PRKCH: variants seen among roughly 807,000 people sequenced by gnomAD.
PRKCH encodes protein kinase C eta.
Under a neutral mutation model 82.5 loss-of-function variants are expected in PRKCH, and 28 were observed. The ratio of observed to expected loss-of-function variants is 0.34; its 90% confidence interval spans 0.25 to 0.47. The LOEUF is 0.47. Among genes scored for constraint, PRKCH ranks in the 20% least tolerant of loss-of-function variants. The pLI is 1.00. For synonymous variants in PRKCH, 322 were observed against 327.4 expected, an observed-to-expected ratio of 0.98 and a Z score of 0.18; for missense variants, 705 against 881.8, an observed-to-expected ratio of 0.80 and a Z score of 2.54.
intron 9 of PRKCH, among the ~76,000 whole-genome samples, chr14:61,481,631 A>G (rs1256988559): frequency 6.6e-6 from 1 of 152,232 alleles, no homozygotes; most frequent in Non-Finnish European, 1.5e-5. Flanking sequence ...AGAGTAATAC[A>G]CACTCATCAT....
At chr14:61,243,379 G>C (rs1176249573) in intron 1 of PRKCH, among the ~76,000 whole-genome samples, 1 of 64,164 alleles carries the variant, frequency 1.6e-5, no homozygotes, top group Admixed American at 2.3e-4. Context: ...GAAAGACTCT[G>C]TCTCAAAAAA....
At chr14:61,521,071 A>G (rs112455392) in intron 10 of PRKCH, among the ~76,000 whole-genome samples, 1 of 152,230 alleles carries the variant, frequency 6.6e-6, no homozygotes, top group African/African-American at 2.4e-5. Context: ...GGCATAGGAG[A>G]TATAAATATG....
chr14:61,256,286 G>C (rs2044997263), intron 1 of PRKCH, among the ~76,000 whole-genome samples: 1 of 152,114 alleles, frequency 6.6e-6, no homozygotes, highest in Non-Finnish European at 1.5e-5. Context: ...ATTTTTATTT[G>C]GTATCCTTTT....
chr14:61,339,716 C>G (rs1004019701), intron 1 of PRKCH, among the ~76,000 whole-genome samples: 2 of 139,638 alleles, frequency 1.4e-5, no homozygotes, highest in East Asian at 4.8e-4. Context: ...GGGTCTCACT[C>G]TGTCATCCAG....
At chr14:61,294,869 ATCT>A (rs1298250744) in intron 1 of PRKCH, among the ~76,000 whole-genome samples, 1 of 151,896 alleles carries the variant, frequency 6.6e-6, no homozygotes, top group African/African-American at 2.4e-5. Context: ...TCCTATACCT[ATCT>A]TCTTTTTTTG....
chr14:61,339,355 A>G (rs1028177713), intron 1 of PRKCH, among the ~76,000 whole-genome samples: 11 of 140,920 alleles, frequency 7.8e-5, no homozygotes, highest in Non-Finnish European at 1.4e-4. Flanking sequence ...ACGGAGTCTC[A>G]CTCTGTCGCC....
At chr14:61,245,377 A>C (rs2044870542) in intron 1 of PRKCH, among the ~76,000 whole-genome samples, 1 of 152,164 alleles carries the variant, frequency 6.6e-6, no homozygotes, top group East Asian at 1.9e-4. Flanking sequence ...TCAAGCTCAG[A>C]AACTCAGTAT....
intron 1 of PRKCH, among the ~76,000 whole-genome samples, chr14:61,273,279 A>C (rs568420457): frequency 1.3e-5 from 2 of 152,344 alleles, no homozygotes; most frequent in Non-Finnish European, 2.9e-5. Flanking sequence ...TATTATGTAG[A>C]TATCAAGATG....
At chr14:61,227,926 A>G (rs2140057135) in intron 1 of PRKCH, among the ~76,000 whole-genome samples, 1 of 152,250 alleles carries the variant, frequency 6.6e-6, no homozygotes, top group East Asian at 1.9e-4. Flanking sequence ...TTTGCTAGCA[A>G]TTTGCTTCTA....
intron 1 of PRKCH, among the ~76,000 whole-genome samples, chr14:61,357,602 G>C (rs573387449): frequency 2.0e-5 from 3 of 152,132 alleles, no homozygotes; most frequent in African/African-American, 7.2e-5. Context: ...TGTGCTTCTC[G>C]TACCTACTAA....
chr14:61,291,093 G>A (rs887932298), intron 1 of PRKCH, among the ~76,000 whole-genome samples: 4 of 152,196 alleles, frequency 2.6e-5, no homozygotes, highest in African/African-American at 9.7e-5. Flanking sequence ...TACAGCCTCA[G>A]AGATTTTAGC....
rs150064783 is a variant in PRKCH at position 61,354,379 on chromosome 14, A to G, written c.363+31915A>G. On this transcript the variant is annotated intron_variant, in intron 1 of 13. Transcript: ENST00000332981. ...TTTCAGTCACTGGTTTACATAATTT[A>G]CCATCTTCTTATTGCTGTTTCTATT... Among the ~76,000 whole-genome samples the G allele has an allele frequency of 7.4e-3, 1,111 of 149,478 alleles. 6 individuals carry two copies. The highest frequency in any genetic ancestry group is 0.055 in the Middle Eastern group (16 of 292).
intron 1 of PRKCH, among the ~76,000 whole-genome samples, chr14:61,354,382 A>G (rs1051900058): frequency 1.4e-5 from 2 of 147,824 alleles, no homozygotes; most frequent in South Asian, 4.4e-4. Context: ...ATAATTTACC[A>G]TCTTCTTATT....
At chr14:61,431,618 C>G (rs534008302) in intron 2 of PRKCH, among the ~76,000 whole-genome samples, 1 of 151,986 alleles carries the variant, frequency 6.6e-6, no homozygotes, top group Non-Finnish European at 1.5e-5. Flanking sequence ...TTCTAGAATG[C>G]ATGCTTAGAG....
In PRKCH at chr14:61,459,612, A is replaced by G. The variant is rs540009464; in HGVS notation, c.1278+1933A>G. On this transcript the variant is annotated intron_variant, in intron 9 of 13. Transcript: ENST00000332981. The stretch of plus-strand genomic sequence containing the variant: ...AGTGGAAGCAGAGGAATGACGTATC[A>G]GGTTGTATGTTTTAATTATGAAAAT... Among the ~76,000 whole-genome samples the G allele has an allele frequency of 5.9e-5, 9 of 152,350 alleles. No individual in the cohort carries two copies. The East Asian group carries it at 1.2e-3, about 20-fold the overall frequency.
chr14:61,392,805 G>T, intron 2 of PRKCH, among the ~76,000 whole-genome samples: 1 of 149,006 alleles, frequency 6.7e-6, no homozygotes. Flanking sequence ...AGATCTCTCT[G>T]TCATAGGATC....
At chr14:61,536,569 A>G (rs2043112126) in intron 12 of PRKCH, among the ~76,000 whole-genome samples, 1 of 152,142 alleles carries the variant, frequency 6.6e-6, no homozygotes, top group Admixed American at 6.5e-5. Context: ...AAGCTTGTTG[A>G]ATTCCCTCTT....
intron 1 of PRKCH, among the ~76,000 whole-genome samples, chr14:61,258,174 A>G (rs900435265): frequency 6.6e-6 from 1 of 152,198 alleles, no homozygotes; most frequent in Non-Finnish European, 1.5e-5. Context: ...TGTGATGGAA[A>G]CCATGTTTAT....
chr14:61,379,165 C>T (rs2046464635), intron 1 of PRKCH, among the ~76,000 whole-genome samples: 1 of 152,224 alleles, frequency 6.6e-6, no homozygotes, highest in African/African-American at 2.4e-5. Flanking sequence ...AACCCCTATA[C>T]ATCTTCTGTG....
Sources: gnomAD v4.1 joint callset for allele counts (sites outside exome capture counted in the v4.1 genomes callset) on GRCh38, gnomAD v4.1.1 for gene constraint, MANE v1.5 for transcripts, NCBI Gene and HGNC (gene_info 2026-07-23, HGNC 2026-07-21) for gene names.